The following CFAP47 variants were observed in gnomAD, a reference collection of about 807,000 sequenced individuals.
CFAP47 encodes the protein cilia- and flagella-associated protein 47.
CFAP47 carries 29 observed loss-of-function variants against 148.1 expected under a neutral mutation model. The observed-to-expected ratio is 0.20, with a 90% CI of 0.15 to 0.27. The LOEUF (loss-of-function observed/expected upper bound fraction) is 0.27. Ranked by LOEUF, CFAP47 falls within the 10% of genes least tolerant of loss-of-function variation. CFAP47 has a pLI of 1.00. For synonymous variants in CFAP47, 664 were observed against 577.3 expected (o/e 1.15, Z -2.15); for missense variants, 1,872 against 1,697.5 (o/e 1.10, Z -1.81).
chrX:36,374,468 A>G (rs1472379993), intron 62 of CFAP47, among the ~76,000 whole-genome samples: 3 of 110,843 alleles, frequency 2.7e-5, no homozygotes, highest in South Asian at 7.5e-4. Flanking sequence ...TCAATTTAAA[A>G]TTTATTTTTA....
chrX:36,037,821 GA>G (rs1937356229), intron 24 of CFAP47, among the ~76,000 whole-genome samples: 1 of 111,452 alleles, frequency 9.0e-6, no homozygotes, highest in Non-Finnish European at 1.9e-5. Context: ...TCAAATTTAT[GA>G]AATGAAACCA....
chrX:36,341,230 T>G (rs1335338857), intron 57 of CFAP47, among the ~76,000 whole-genome samples: 3 of 109,567 alleles, frequency 2.7e-5, no homozygotes, highest in Non-Finnish European at 5.7e-5. Flanking sequence ...AGAGACAGCG[T>G]TTCCCCATGT....
intron 15 of CFAP47, among the ~76,000 whole-genome samples, chrX:35,984,323 T>G (rs1342709965): frequency 9.0e-6 from 1 of 111,728 alleles, no homozygotes; most frequent in Non-Finnish European, 1.9e-5. Flanking sequence ...CATTTTGGAT[T>G]GCATCCATTT....
rs1293643040 is a variant in CFAP47, at chrX:36,328,376, A to G, written c.8443+9069A>G. ...AACACCTAATATTGTTAAAATGGCA[A>G]TGTTCTCTAACTTGATATATAGATC... is the stretch of plus-strand genomic sequence containing the variant. On this transcript the variant is annotated intron_variant, in intron 57 of 63. Coordinates refer to ENST00000378653, the MANE Select transcript of CFAP47 (RefSeq NM_001304548.2). 2.7e-5 allele frequency among the ~76,000 whole-genome samples: 3 copies of G among 112,275 alleles called. No individual in the cohort carries two copies. In the South Asian group the frequency reaches 1.1e-3, roughly 41 times the overall value.
intron 40 of CFAP47, among the ~76,000 whole-genome samples, chrX:36,184,417 T>C (rs1232729615): frequency 3.6e-5 from 4 of 110,708 alleles, no homozygotes; most frequent in African/African-American, 1.3e-4. Context: ...TATAGAAGCA[T>C]AGGAATTAAT....
At chrX:36,192,027 A>G (rs1939871716) in intron 42 of CFAP47, among the ~76,000 whole-genome samples, 1 of 111,024 alleles carries the variant, frequency 9.0e-6, no homozygotes, top group African/African-American at 3.3e-5. Context: ...GAAAACTGAA[A>G]TTAGACCCCT....
intron 39 of CFAP47, among the ~76,000 whole-genome samples, chrX:36,176,041 C>G (rs765148110): frequency 3.1e-4 from 35 of 111,990 alleles, no homozygotes; most frequent in Admixed American, 2.6e-3. Context: ...GCGCAGTATT[C>G]AGGTGGGAGT....
rs1556021873 is a variant in CFAP47 at position 36,371,886 on chromosome X, G to GTATATATGTGTA, written c.9185+4759_9185+4760insTATATATGTGTA. Among the ~76,000 whole-genome samples, 133 of 54,300 alleles carry GTATATATGTGTA rather than the reference G, an allele frequency of 2.4e-3. 3 individuals carry two copies. Among genetic ancestry groups the GTATATATGTGTA allele is most frequent in the African/African-American group, 0.016 (61 of 3,861 alleles). The allele number at this position is 54,300 out of a possible 115,157, so 47.2% of individuals were successfully genotyped here. ...TATACACACATGTGTATATATGTGT[G>GTATATATGTGTA]CATATACACACATGTGTATATATGT... On this transcript the variant is annotated intron_variant, in intron 62 of 63. Coordinates refer to ENST00000378653, the MANE Select transcript of CFAP47 (RefSeq NM_001304548.2).
intron 45 of CFAP47, among the ~76,000 whole-genome samples, chrX:36,208,018 C>T (rs1009883127): frequency 1.8e-5 from 2 of 111,501 alleles, no homozygotes. Context: ...TATTTTGTAT[C>T]GCTCTAATTT....
At chrX:36,340,711 A>G (rs782770620) in intron 57 of CFAP47, among the ~76,000 whole-genome samples, 3 of 111,821 alleles carry the variant, frequency 2.7e-5, no homozygotes, top group Admixed American at 9.5e-5. Context: ...AGGTTTCAAC[A>G]TATGAATTTT....
intron 23 of CFAP47, among the ~76,000 whole-genome samples, chrX:36,035,183 A>G (rs1937323695): frequency 9.0e-6 from 1 of 111,348 alleles, no homozygotes; most frequent in East Asian, 2.8e-4. Flanking sequence ...AGAATTTCTA[A>G]CCTGTGGCCT....
At chrX:36,251,779 G>A (rs1351037119) in intron 49 of CFAP47, among the ~76,000 whole-genome samples, 2 of 111,746 alleles carry the variant, frequency 1.8e-5, no homozygotes, top group Non-Finnish European at 3.8e-5. Flanking sequence ...GACATTTTAA[G>A]AGAATGTTTA....
chrX:36,228,844 G>A lies in CFAP47; in HGVS notation c.7014+20G>A, dbSNP rs782792624. The A allele has an allele frequency of 4.7e-5, 24 of 508,513 alleles. No individual in the cohort carries two copies. Among genetic ancestry groups the A allele is most frequent in the South Asian group, 4.2e-4 (16 of 37,731 alleles). 41.9% of individuals were successfully genotyped at this position (508,513 alleles called of 1,213,427 possible). On this transcript the variant is annotated intron_variant, in intron 46 of 63. Transcript: ENST00000378653. Reference sequence around the variant, plus strand: ...CCAATAGTATGTATAAACTTTTTTGGTACCTTTCTTTATTCATATTGCCAC... The same window carrying A: ...CCAATAGTATGTATAAACTTTTTTGATACCTTTCTTTATTCATATTGCCAC...
chrX:36,157,398 AT>A (rs1167512643), intron 37 of CFAP47, among the ~76,000 whole-genome samples: 1 of 111,935 alleles, frequency 8.9e-6, no homozygotes, highest in African/African-American at 3.2e-5. Context: ...GCTTGCTAAG[AT>A]TTAGCATTAC....
chrX:36,330,347 T>C (rs1941554483), intron 57 of CFAP47, among the ~76,000 whole-genome samples: 1 of 111,903 alleles, frequency 8.9e-6, no homozygotes, highest in South Asian at 3.7e-4. Context: ...GATTTTTGCA[T>C]CAGATTAAGG....
intron 57 of CFAP47, among the ~76,000 whole-genome samples, chrX:36,326,072 C>T (rs1556012975): frequency 9.0e-6 from 1 of 110,892 alleles, no homozygotes; most frequent in Non-Finnish European, 1.9e-5. Context: ...ATTTTTCTCC[C>T]AAGTCAGGTA....
At chrX:36,084,732 C>T (rs773457179) in intron 29 of CFAP47, among the ~76,000 whole-genome samples, 74 of 111,848 alleles carry the variant, frequency 6.6e-4, no homozygotes, top group African/African-American at 2.1e-3. Context: ...ATTGCAGTAT[C>T]TGATTTAAAG....
chrX:36,175,478 G>C (rs2146862871), intron 39 of CFAP47, among the ~76,000 whole-genome samples: 1 of 111,515 alleles, frequency 9.0e-6, no homozygotes, highest in African/African-American at 3.3e-5. Flanking sequence ...TTGGTTTTTG[G>C]TGTGGATGTC....
chrX:36,183,602 A>G (rs1306404912), intron 40 of CFAP47, among the ~76,000 whole-genome samples: 3 of 112,111 alleles, frequency 2.7e-5, no homozygotes, highest in South Asian at 3.7e-4. Flanking sequence ...TAAAATAATG[A>G]TAGACTCGTC....
Sources: gnomAD v4.1 joint callset for allele counts (sites outside exome capture counted in the v4.1 genomes callset) on GRCh38, gnomAD v4.1.1 for gene constraint, MANE v1.5 for transcripts, NCBI Gene and HGNC (gene_info 2026-07-23, HGNC 2026-07-21) for gene names.